Variants in PSAPL1 observed in about 807,000 individuals in gnomAD.
PSAPL1 encodes prosaposin like 1.
For synonymous variants in PSAPL1, 351 were observed against 291.6 expected (o/e 1.20, Z -2.08); for missense variants, 814 against 688.8 (o/e 1.18, Z -2.03).
chr4:7,434,372 G>C lies in PSAPL1; in HGVS notation c.508C>G (p.Pro170Ala). The change falls in exon 1 of 1, where the codon CCC becomes GCC. Residue 170 changes from proline (P) to alanine (A), a missense_variant. By Grantham distance (27) the Pro-to-Ala change is conservative. Coordinates refer to ENST00000319098, the MANE Select transcript of PSAPL1 (RefSeq NM_001085382.2). ...GCCTGGCGGGGGTGGAAGGTAAGGGGCCCATTGGCCATGAACGGAGCCACA... is the reference window on the plus strand; with the variant it reads ...GCCTGGCGGGGGTGGAAGGTAAGGGCCCCATTGGCCATGAACGGAGCCACA... ...EAVAPFMANGPLTFHPRQAPE... is the reference protein window; with the variant it reads ...EAVAPFMANGALTFHPRQAPE... The C allele has an allele frequency of 6.2e-7, 1 of 1,607,568 alleles. No homozygotes were observed. The highest frequency in any genetic ancestry group is 8.5e-7 in the Non-Finnish European group (1 of 1,177,496).
rs1268408487 is a variant in PSAPL1, at chr4:7,431,618, G to T, written c.*1696C>A. ...CTGAGGCCAACAACTTCGGGCCCCT[G>T]TGTTTTGGAGTCTGGTGCAGAGCTG... On this transcript the variant is annotated 3_prime_UTR_variant, in exon 1 of 1. Transcript: ENST00000319098. The T allele has an allele frequency of 6.6e-6, 1 of 152,212 alleles. No homozygotes were observed. Among genetic ancestry groups the T allele is most frequent in the African/African-American group, 2.4e-5 (1 of 41,444 alleles). 9.4% of individuals were successfully genotyped at this position (152,212 alleles called of 1,614,324 possible). A position where few individuals can be genotyped will look rare whatever the true frequency, so the allele number is the denominator to read the frequency against.
In PSAPL1 at chr4:7,434,582, T is replaced by C; in HGVS notation, c.298A>G (p.Ser100Gly). 6.2e-7 allele frequency: 1 copy of C among 1,613,452 alleles called. No individual in the cohort carries two copies. The highest frequency in any genetic ancestry group is 8.5e-7 in the Non-Finnish European group (1 of 1,179,770). ...TTGCATCCGGCTGAAGACTCCTGGCTGGGGAGCCACTCACAGGTCTTCATC... is the reference window on the plus strand; with the variant it reads ...TTGCATCCGGCTGAAGACTCCTGGCCGGGGAGCCACTCACAGGTCTTCATC... ...LVMKTCEWLP[S>G]QESSAGCKWM... is the part of the protein sequence containing the mutation. Residue 100 changes from serine (S) to glycine (G), a missense_variant, in exon 1 of 1, where the codon AGC becomes GGC. Ser to Gly is a moderately conservative substitution (Grantham distance 56). Coordinates refer to ENST00000319098, the MANE Select transcript of PSAPL1 (RefSeq NM_001085382.2).
In PSAPL1 at chr4:7,430,888, A is replaced by G. The variant is rs926660075; in HGVS notation, c.*2426T>C. Reference sequence around the variant, plus strand: ...CCTTAAGCCTCAGTCTCAGTGCTGAATGGTGGTGCTGCCGTCAGCACCAGT... The same window carrying G: ...CCTTAAGCCTCAGTCTCAGTGCTGAGTGGTGGTGCTGCCGTCAGCACCAGT... On this transcript the variant is annotated 3_prime_UTR_variant, in exon 1 of 1. Coordinates refer to ENST00000319098, the MANE Select transcript of PSAPL1 (RefSeq NM_001085382.2). The G allele has an allele frequency of 5.3e-5, 8 of 152,230 alleles. No individual in the cohort carries two copies. The highest frequency in any genetic ancestry group is 1.9e-4 in the African/African-American group (8 of 41,428). 9.4% of individuals were successfully genotyped at this position (152,230 alleles called of 1,614,324 possible). A position where few individuals can be genotyped will look rare whatever the true frequency, so the allele number is the denominator to read the frequency against.
chr4:7,433,398 C>T lies in PSAPL1; in HGVS notation c.1482G>A (p.Glu494=), dbSNP rs374876500. 1 of 1,502,648 alleles carries T rather than the reference C, an allele frequency of 6.7e-7. No homozygotes were observed. Among genetic ancestry groups the T allele is most frequent in the South Asian group, 1.4e-5 (1 of 72,558 alleles). The allele number at this position is 1,502,648 out of a possible 1,614,324, so 93.1% of individuals were successfully genotyped here. A position where few individuals can be genotyped will look rare whatever the true frequency, so the allele number is the denominator to read the frequency against. Residue 494 remains glutamate, a synonymous_variant, in exon 1 of 1, where the codon GAG becomes GAA. Transcript: ENST00000319098. The stretch of plus-strand genomic sequence containing the variant: ...GCACAGCGTTGCACAGCTTGGCGGC[C>T]TCCTGGCTCCTGCACCAGAAGCTTG... The part of the protein sequence containing the change: ...LGPSFWCRSQ[E]AAKLCNAVQH...
At position 7,432,619 on chromosome 4, in the gene PSAPL1, T is replaced by G. The variant is rs1453818648; in HGVS notation, c.*695A>C. 1.3e-5 allele frequency: 2 copies of G among 151,978 alleles called. No homozygotes were observed. The highest frequency in any genetic ancestry group is 4.8e-5 in the African/African-American group (2 of 41,346). 9.4% of individuals were successfully genotyped at this position (151,978 alleles called of 1,614,324 possible). On this transcript the variant is annotated 3_prime_UTR_variant, in exon 1 of 1. Coordinates refer to ENST00000319098, the MANE Select transcript of PSAPL1 (RefSeq NM_001085382.2). Reference sequence around the variant, plus strand: ...GCACACCCCAAGACTTTCCTTCTGCTCATTACCAGGGCAGCGGAGGGTCTG... The same window carrying G: ...GCACACCCCAAGACTTTCCTTCTGCGCATTACCAGGGCAGCGGAGGGTCTG...
rs756489914 is a variant in PSAPL1 at position 7,433,700 on chromosome 4, T to C, written c.1180A>G (p.Ser394Gly). 40 of 1,612,854 alleles carry C rather than the reference T, an allele frequency of 2.5e-5. No individual in the cohort carries two copies. In the South Asian group the frequency reaches 2.5e-4, roughly 10 times the overall value. The change falls in exon 1 of 1, where the codon AGC (serine) becomes GGC (glycine). Residue 394 changes from serine (S) to glycine (G), a missense_variant. Coordinates refer to ENST00000319098, the MANE Select transcript of PSAPL1 (RefSeq NM_001085382.2). Reference protein sequence around the residue: ...SPEWDAENQGSFCNGCKRLLT... With the variant: ...SPEWDAENQGGFCNGCKRLLT... ...AGCCTCTTGCACCCATTGCAGAAGC[T>C]GCCCTGGTTCTCCGCGTCCCACTCT...
chr4:7,433,469 C>T lies in PSAPL1; in HGVS notation c.1411G>A (p.Gly471Ser), dbSNP rs200338688. ...AVCKKVGACH[G>S]PRTPLLGTDQ... is the part of the protein sequence containing the mutation. ...GTGCCCAGCAGTGGGGTCCTGGGGC[C>T]GTGGCAGGCCCCCACCTTCTTGCAC... is the stretch of plus-strand genomic sequence containing the variant. The change falls in exon 1 of 1, where the codon GGC (glycine) becomes AGC (serine). Residue 471 changes from glycine to serine, a missense_variant. By Grantham distance (56) the Gly-to-Ser change is moderately conservative (BLOSUM62 0). Transcript: ENST00000319098. The T allele has an allele frequency of 6.9e-5, 109 of 1,570,448 alleles. 1 individual carries two copies. Among genetic ancestry groups the T allele is most frequent in the Admixed American group, 4.4e-4 (24 of 54,866 alleles).
rs748861306 is a variant in PSAPL1, at chr4:7,434,237, A to T, written c.643T>A (p.Ser215Thr). The T allele has an allele frequency of 6.2e-7, 1 of 1,613,536 alleles. No homozygotes were observed. The highest frequency in any genetic ancestry group is 2.2e-5 in the East Asian group (1 of 44,884). ...AGGACGGCCAGGCCAGGCCCCAAGGACTCACACTGCTCCTGGATGTTCAAG... is the reference window on the plus strand; with the variant it reads ...AGGACGGCCAGGCCAGGCCCCAAGGTCTCACACTGCTCCTGGATGTTCAAG... ...ADLNIQEQCE[S>T]LGPGLAVLCK... Residue 215 changes from serine to threonine, a missense_variant, in exon 1 of 1, where the codon TCC becomes ACC. By Grantham distance (58) the Ser-to-Thr change is moderately conservative. Transcript: ENST00000319098.
rs918002611 is a variant in PSAPL1, at chr4:7,434,213, G to C, written c.667C>G (p.Leu223Val). 1.9e-6 allele frequency: 3 copies of C among 1,613,752 alleles called. No homozygotes were observed. The highest frequency in any genetic ancestry group is 2.5e-6 in the Non-Finnish European group (3 of 1,179,914). Residue 223 changes from leucine to valine, a missense_variant, in exon 1 of 1, where the codon CTC (leucine) becomes GTC (valine). By Grantham distance (32) the Leu-to-Val change is conservative. Transcript: ENST00000319098. ...AACTGGAAGAGGTAGTTCTTGCAGA[G>C]GACGGCCAGGCCAGGCCCCAAGGAC... ...CESLGPGLAV[L>V]CKNYLFQFFV...
In PSAPL1 at chr4:7,433,102, G is replaced by A. The variant is rs1294083601; in HGVS notation, c.*212C>T. On this transcript the variant is annotated 3_prime_UTR_variant, in exon 1 of 1. Coordinates refer to ENST00000319098, the MANE Select transcript of PSAPL1 (RefSeq NM_001085382.2). Reference sequence around the variant, plus strand: ...GAGCGGGGCACATGAGTGTGTTCCGGTCCAGTAGAGATGCTTTCAAGGGCA... The same window carrying A: ...GAGCGGGGCACATGAGTGTGTTCCGATCCAGTAGAGATGCTTTCAAGGGCA... The A allele has an allele frequency of 9.2e-6, 4 of 434,362 alleles. No homozygotes were observed. The East Asian group carries it at 1.1e-4, about 12-fold the overall frequency. The allele number at this position is 434,362 out of a possible 1,614,324, so 26.9% of individuals were successfully genotyped here. A position where few individuals can be genotyped will look rare whatever the true frequency, so the allele number is the denominator to read the frequency against.
Position 7,434,058 on chromosome 4 carries a change from G to C in PSAPL1, c.822C>G (p.Ser274=). The stretch of plus-strand genomic sequence containing the variant: ...GTTTCCTTGGCAACCCCAGCTCCAG[G>C]GAGGGGACCCCGTCCATGGCCACTA... ...TQVVAMDGVP[S]LELGLPRKQS... is the part of the protein sequence containing the mutation. Residue 274 remains serine, a synonymous_variant, in exon 1 of 1, where the codon TCC becomes TCG. Transcript: ENST00000319098. The C allele has an allele frequency of 6.2e-7, 1 of 1,611,308 alleles. No individual in the cohort carries two copies. Among genetic ancestry groups the C allele is most frequent in the South Asian group, 1.1e-5 (1 of 90,838 alleles).
At chr4:7,433,650 CA>C in the PSAPL1 span, 4 of 1,610,104 alleles carry the variant, frequency 2.5e-6, no homozygotes, top group South Asian at 1.1e-5. Flanking sequence ...TCTTGCTCTC[CA>C]AGTTGTGGGA....
chr4:7,434,047 C>T lies in PSAPL1; in HGVS notation c.833G>A (p.Gly278Glu). The change falls in exon 1 of 1, where the codon GGG (glycine) becomes GAG (glutamate). Residue 278 changes from glycine (G) to glutamate (E), a missense_variant. Gly to Glu is a moderately conservative substitution (Grantham distance 98). Transcript: ENST00000319098. ...CATCTCGCTCTGTTTCCTTGGCAAC[C>T]CCAGCTCCAGGGAGGGGACCCCGTC... ...AMDGVPSLELGLPRKQSEMQM... is the reference protein window; with the variant it reads ...AMDGVPSLELELPRKQSEMQM... 1 of 1,611,228 alleles carries T rather than the reference C, an allele frequency of 6.2e-7. No individual in the cohort carries two copies. Among genetic ancestry groups the T allele is most frequent in the Non-Finnish European group, 8.5e-7 (1 of 1,177,884 alleles).
rs759881011 is a variant in PSAPL1 at position 7,433,805 on chromosome 4, C to T, written c.1075G>A (p.Val359Met). The change falls in exon 1 of 1, where the codon GTG becomes ATG. Residue 359 changes from valine (V) to methionine (M), a missense_variant. Transcript: ENST00000319098. The part of the protein sequence containing the change: ...QLVAKITPEK[V>M]CKFIRLCGNR... ...CCACACAGACGGATGAACTTGCACA[C>T]CTTCTCTGGGGTGATTTTGGCCACA... The T allele has an allele frequency of 8.7e-6, 14 of 1,613,614 alleles. No homozygotes were observed. The South Asian group carries it at 9.9e-5, about 11-fold the overall frequency.
At position 7,432,831 on chromosome 4, in the gene PSAPL1, C is replaced by G. The variant is rs1340997852; in HGVS notation, c.*483G>C. ...GGACTCCAGGTTGAGAAGCTCTGGC[C>G]TGAGCGAGACCCAGACTCCCACCCC... On this transcript the variant is annotated 3_prime_UTR_variant, in exon 1 of 1. Transcript: ENST00000319098. 1 of 146,684 alleles carries G rather than the reference C, an allele frequency of 6.8e-6. No homozygotes were observed. Among genetic ancestry groups the G allele is most frequent in the Non-Finnish European group, 1.5e-5 (1 of 66,664 alleles). 9.1% of individuals were successfully genotyped at this position (146,684 alleles called of 1,614,324 possible). A position where few individuals can be genotyped will look rare whatever the true frequency, so the allele number is the denominator to read the frequency against.
chr4:7,434,908 T>G lies in PSAPL1; in HGVS notation c.-29A>C. 1 of 1,504,818 alleles carries G rather than the reference T, an allele frequency of 6.6e-7. No individual in the cohort carries two copies. Among genetic ancestry groups the G allele is most frequent in the Non-Finnish European group, 8.9e-7 (1 of 1,127,254 alleles). 93.2% of individuals were successfully genotyped at this position (1,504,818 alleles called of 1,614,324 possible). A position where few individuals can be genotyped will look rare whatever the true frequency, so the allele number is the denominator to read the frequency against. ...GCCCAGGGACTCTCTGGCTCCAGAG[T>G]ACCCAGCAGTGGCTGCTGCTATAAA... is the stretch of plus-strand genomic sequence containing the variant. On this transcript the variant is annotated 5_prime_UTR_variant, in exon 1 of 1. Coordinates refer to ENST00000319098, the MANE Select transcript of PSAPL1 (RefSeq NM_001085382.2).
At position 7,434,046 on chromosome 4, in the gene PSAPL1, C is replaced by T; in HGVS notation, c.834G>A (p.Gly278=). The T allele has an allele frequency of 3.7e-6, 6 of 1,611,212 alleles. No individual in the cohort carries two copies. Among genetic ancestry groups the T allele is most frequent in the Non-Finnish European group, 5.1e-6 (6 of 1,177,870 alleles). ...GCATCTCGCTCTGTTTCCTTGGCAA[C>T]CCCAGCTCCAGGGAGGGGACCCCGT... ...AMDGVPSLEL[G]LPRKQSEMQM... Residue 278 remains glycine, a synonymous_variant, in exon 1 of 1, where the codon GGG becomes GGA. Transcript: ENST00000319098.
chr4:7,434,822 T>TGGG lies in PSAPL1; in HGVS notation c.55_57dup (p.Pro19dup). Reference sequence around the variant, plus strand: ...TTTGCACACTCCTGGGGGCCTGAGGTGGGGCTGGCCCTGGTGGCCCCCAGG... The same window carrying TGGG: ...TTTGCACACTCCTGGGGGCCTGAGGTGGGGGGGCTGGCCCTGGTGGCCCCCAGG... On this transcript the variant is annotated inframe_insertion, in exon 1 of 1. Coordinates refer to ENST00000319098, the MANE Select transcript of PSAPL1 (RefSeq NM_001085382.2). The TGGG allele has an allele frequency of 6.2e-7, 1 of 1,601,754 alleles. No individual in the cohort carries two copies. The highest frequency in any genetic ancestry group is 1.1e-5 in the South Asian group (1 of 89,116).
rs777278953 is a variant in PSAPL1, at chr4:7,433,835, G to GCACCAAGGAGGGGCTGTAGGTGTC, written c.1021_1044dup (p.Asp341_Val348dup). On this transcript the variant is annotated inframe_insertion, in exon 1 of 1. Coordinates refer to ENST00000319098, the MANE Select transcript of PSAPL1 (RefSeq NM_001085382.2). ...TCTGGGGTGATTTTGGCCACAAGCT[G>GCACCAAGGAGGGGCTGTAGGTGTC]CACCAAGGAGGGGCTGTAGGTGTCC... is the stretch of plus-strand genomic sequence containing the variant. 6.2e-7 allele frequency: 1 copy of GCACCAAGGAGGGGCTGTAGGTGTC among 1,613,876 alleles called. No homozygotes were observed. Among genetic ancestry groups the GCACCAAGGAGGGGCTGTAGGTGTC allele is most frequent in the South Asian group, 1.1e-5 (1 of 91,082 alleles).
Sources: gnomAD v4.1 joint callset for allele counts on GRCh38, gnomAD v4.1.1 for gene constraint, MANE v1.5 for transcripts, NCBI Gene and HGNC (gene_info 2026-07-23, HGNC 2026-07-21) for gene names.